NCAM2: variants seen among roughly 807,000 people sequenced by gnomAD.
The protein encoded by NCAM2 is N-CAM-2.
In NCAM2, 30 loss-of-function variants were observed where a neutral mutation model predicts 98.1. The ratio of observed to expected loss-of-function variants is 0.31; its 90% CI spans 0.23 to 0.41. NCAM2 has a LOEUF of 0.41. Among genes scored for constraint, NCAM2 ranks in the 10% least tolerant of loss-of-function variants. The pLI is 1.00. For synonymous variants in NCAM2, 368 were observed against 342.4 expected, an observed-to-expected ratio of 1.07 and a Z score of -0.83; for missense variants, 867 against 1,005.8, an observed-to-expected ratio of 0.86 and a Z score of 1.87.
At chr21:21,197,232 C>T (rs142252719) in intron 1 of NCAM2, among the ~76,000 whole-genome samples, 2 of 152,246 alleles carry the variant, frequency 1.3e-5, no homozygotes, top group South Asian at 2.1e-4. Context: ...CGGGTTCAAG[C>T]GATTTTCCTG....
intron 1 of NCAM2, among the ~76,000 whole-genome samples, chr21:21,077,066 C>T (rs8133364): frequency 0.037 from 5,637 of 152,222 alleles, 327 homozygotes; most frequent in African/African-American, 0.13. Flanking sequence ...TTCTACCACA[C>T]ATATCATCTG....
intron 10 of NCAM2, among the ~76,000 whole-genome samples, chr21:21,411,195 G>T (rs1287802683): frequency 2.8e-5 from 3 of 107,142 alleles, no homozygotes; most frequent in African/African-American, 1.0e-4. Flanking sequence ...TAATGTAATA[G>T]TTATTGAGGG....
At chr21:21,194,927 T>A (rs2146985579) in intron 1 of NCAM2, among the ~76,000 whole-genome samples, 1 of 152,302 alleles carries the variant, frequency 6.6e-6, no homozygotes, top group South Asian at 2.1e-4. Context: ...ACCCTGAGCT[T>A]CTGGCAACCA....
intron 1 of NCAM2, among the ~76,000 whole-genome samples, chr21:21,279,122 C>T (rs994033159): frequency 1.3e-5 from 2 of 152,148 alleles, no homozygotes; most frequent in Non-Finnish European, 2.9e-5. Flanking sequence ...GAGCCCTACA[C>T]GTGAGACTGC....
intron 4 of NCAM2, chr21:21,290,272 C>T (rs984269807): frequency 2.6e-5 from 4 of 151,856 alleles, no homozygotes; most frequent in African/African-American, 9.7e-5. Context: ...TGCAGTAATA[C>T]AATGATCTAA....
intron 17 of NCAM2, among the ~76,000 whole-genome samples, chr21:21,537,135 G>T (rs1210114723): frequency 6.6e-6 from 1 of 151,888 alleles, no homozygotes; most frequent in Non-Finnish European, 1.5e-5. Context: ...GTCTTGCTCT[G>T]TTGCCCAGGC....
At chr21:21,161,122 AT>A (rs1243461144) in intron 1 of NCAM2, among the ~76,000 whole-genome samples, 1 of 152,060 alleles carries the variant, frequency 6.6e-6, no homozygotes, top group East Asian at 1.9e-4. Context: ...CTGTGAATTA[AT>A]TTAAACAAGA....
intron 1 of NCAM2, among the ~76,000 whole-genome samples, chr21:21,116,806 G>T (rs1456485380): frequency 6.6e-6 from 1 of 151,706 alleles, no homozygotes; most frequent in African/African-American, 2.4e-5. Flanking sequence ...AGTGAGCCGA[G>T]ATCGTGCCAC....
At chr21:21,079,284 G>A (rs1056256368) in intron 1 of NCAM2, among the ~76,000 whole-genome samples, 5 of 147,936 alleles carry the variant, frequency 3.4e-5, no homozygotes, top group African/African-American at 1.2e-4. Context: ...TCTTAGAGAT[G>A]ATTTTTGCTT....
chr21:21,244,354 T>C (rs557739202), intron 1 of NCAM2, among the ~76,000 whole-genome samples: 35 of 152,302 alleles, frequency 2.3e-4, no homozygotes, highest in Non-Finnish European at 4.6e-4. Flanking sequence ...TGTAGTCAAA[T>C]ACAGTACACA....
intron 1 of NCAM2, among the ~76,000 whole-genome samples, chr21:21,188,772 A>G (rs1002734775): frequency 2.0e-5 from 3 of 152,248 alleles, no homozygotes; most frequent in Admixed American, 1.3e-4. Flanking sequence ...CACAGGATAC[A>G]TAAGATATGT....
intron 9 of NCAM2, among the ~76,000 whole-genome samples, chr21:21,382,056 T>A (rs962742128): frequency 4.6e-5 from 7 of 152,194 alleles, no homozygotes; most frequent in Admixed American, 2.6e-4. Context: ...GAGAAAGCCA[T>A]ATAAATTGAC....
chr21:21,265,105 A>ACT (rs2072151992), intron 1 of NCAM2, among the ~76,000 whole-genome samples: 1 of 32,180 alleles, frequency 3.1e-5, no homozygotes, highest in Non-Finnish European at 6.5e-5. Flanking sequence ...ATACATATAT[A>ACT]ATATATATAC....
At chr21:21,081,648 A>C (rs911793238) in intron 1 of NCAM2, among the ~76,000 whole-genome samples, 23 of 18,052 alleles carry the variant, frequency 1.3e-3, no homozygotes, top group African/African-American at 1.8e-3. Flanking sequence ...CAAAACTACA[A>C]AACGTAGCCA....
intron 1 of NCAM2, among the ~76,000 whole-genome samples, chr21:21,240,929 A>G (rs1194247420): frequency 2.0e-5 from 3 of 152,288 alleles, no homozygotes; most frequent in South Asian, 2.1e-4. Flanking sequence ...AAATATTTCA[A>G]TTATTATTGT....
At chr21:21,334,804 A>C (rs976781992) in intron 6 of NCAM2, among the ~76,000 whole-genome samples, 10 of 152,164 alleles carry the variant, frequency 6.6e-5, no homozygotes, top group African/African-American at 2.4e-4. Flanking sequence ...GGTTGGTTTT[A>C]AAGGACAACT....
intron 1 of NCAM2, among the ~76,000 whole-genome samples, chr21:21,065,109 G>A (rs922973986): frequency 6.6e-6 from 1 of 150,826 alleles, no homozygotes; most frequent in Non-Finnish European, 1.5e-5. Flanking sequence ...GAACCGGGGA[G>A]GCGGAGGTTG....
At chr21:21,528,395 AC>A (rs1171915176) in intron 16 of NCAM2, among the ~76,000 whole-genome samples, 7 of 152,138 alleles carry the variant, frequency 4.6e-5, no homozygotes, top group Admixed American at 4.6e-4. Context: ...TAACAAATGC[AC>A]CCCTCTGGTG....
intron 6 of NCAM2, among the ~76,000 whole-genome samples, chr21:21,332,220 T>C (rs887723324): frequency 3.3e-5 from 5 of 152,148 alleles, no homozygotes; most frequent in East Asian, 1.9e-4. Context: ...GAATTTTTAA[T>C]TGGGTTCCAG....
Sources: allele counts gnomAD v4.1 joint callset (sites outside exome capture counted in the v4.1 genomes callset), GRCh38; gene constraint gnomAD v4.1.1; transcripts MANE v1.5; gene names NCBI Gene and HGNC (gene_info 2026-07-23, HGNC 2026-07-21).